The following CHODL variants were observed in gnomAD, a reference collection of about 807,000 sequenced individuals.
CHODL encodes transmembrane protein MT75.
Under a neutral mutation model 34.5 loss-of-function variants are expected in CHODL, and 29 were observed. That is an observed-to-expected ratio of 0.84 (90% CI 0.63 to 1.15). The LOEUF (loss-of-function observed/expected upper bound fraction) is 1.15. Ranked by LOEUF, CHODL falls within the 50% of genes most tolerant of loss-of-function variation. CHODL has a pLI of 0.00. For missense variants in CHODL, 332 were observed against 332.5 expected, an observed-to-expected ratio of 1.00 and a Z score of 0.01; for synonymous variants, 125 against 116.1, an observed-to-expected ratio of 1.08 and a Z score of -0.49.
intron 2 of CHODL, among the ~76,000 whole-genome samples, chr21:18,088,087 T>A (rs1299176517): frequency 1.3e-5 from 2 of 152,092 alleles, no homozygotes; most frequent in Non-Finnish European, 2.9e-5. Context: ...ACCCCCAGGA[T>A]CCAGTCACCT....
chr21:17,942,032 T>C (rs2063368656), intron 1 of CHODL, among the ~76,000 whole-genome samples: 3 of 152,146 alleles, frequency 2.0e-5, no homozygotes, highest in Admixed American at 2.0e-4. Flanking sequence ...GGATTAAGAC[T>C]TCAACATATA....
chr21:17,986,644 T>C (rs936942622), intron 1 of CHODL, among the ~76,000 whole-genome samples: 3 of 152,248 alleles, frequency 2.0e-5, no homozygotes, highest in African/African-American at 7.2e-5. Context: ...TGTGTCTTTA[T>C]CACAGAATGA....
intron 2 of CHODL, among the ~76,000 whole-genome samples, chr21:18,045,669 A>G (rs2064433486): frequency 6.6e-6 from 1 of 151,948 alleles, no homozygotes; most frequent in Non-Finnish European, 1.5e-5. Context: ...GTACACTCCA[A>G]AGTTCATGTT....
intron 1 of CHODL, among the ~76,000 whole-genome samples, chr21:17,982,464 A>G (rs2063721546): frequency 6.6e-6 from 1 of 152,158 alleles, no homozygotes; most frequent in African/African-American, 2.4e-5. Context: ...ACATAAGCAT[A>G]ATATTGAGAA....
chr21:18,040,240 A>C (rs1346695376), intron 2 of CHODL, among the ~76,000 whole-genome samples: 1 of 151,860 alleles, frequency 6.6e-6, no homozygotes, highest in Non-Finnish European at 1.5e-5. Context: ...ACATGTGGAC[A>C]ATTCTTTCTG....
intron 2 of CHODL, among the ~76,000 whole-genome samples, chr21:18,075,001 A>C (rs1486890481): frequency 6.6e-6 from 1 of 152,216 alleles, no homozygotes; most frequent in Non-Finnish European, 1.5e-5. Flanking sequence ...CCAGCTTCTC[A>C]AACTTAAATG....
At chr21:18,132,824 T>G (rs537727138) in intron 2 of CHODL, among the ~76,000 whole-genome samples, 5 of 152,124 alleles carry the variant, frequency 3.3e-5, no homozygotes, top group Non-Finnish European at 7.4e-5. Flanking sequence ...TGGCTGGCCC[T>G]CCTCCCACCT....
At chr21:17,944,234 T>C (rs1020771422) in intron 1 of CHODL, among the ~76,000 whole-genome samples, 3 of 152,096 alleles carry the variant, frequency 2.0e-5, no homozygotes, top group Non-Finnish European at 4.4e-5. Flanking sequence ...AAGCCTGCCC[T>C]ATAACCCTGC....
intron 2 of CHODL, among the ~76,000 whole-genome samples, chr21:18,122,033 G>A (rs1240384943): frequency 6.6e-6 from 1 of 152,066 alleles, no homozygotes; most frequent in Non-Finnish European, 1.5e-5. Flanking sequence ...TAAGCTAAGT[G>A]AATTATAGCC....
At chr21:18,013,103 A>G (rs941910106) in intron 1 of CHODL, among the ~76,000 whole-genome samples, 7 of 152,266 alleles carry the variant, frequency 4.6e-5, no homozygotes, top group African/African-American at 1.7e-4. Flanking sequence ...AAATTTTATT[A>G]TTTGTTTAAT....
At chr21:18,128,824 CATTT>C (rs1406897754) in intron 2 of CHODL, among the ~76,000 whole-genome samples, 11 of 151,942 alleles carry the variant, frequency 7.2e-5, no homozygotes, top group African/African-American at 2.4e-4. Context: ...ATTCATAAAA[CATTT>C]ATTTGTAAAA....
intron 2 of CHODL, among the ~76,000 whole-genome samples, chr21:18,049,856 A>AT (rs911091445): frequency 6.6e-6 from 1 of 152,040 alleles, no homozygotes; most frequent in South Asian, 2.1e-4. Flanking sequence ...CAACACATGA[A>AT]TTTTTTGGGA....
chr21:18,261,319 C>T (rs2074379611), intron 4 of CHODL, among the ~76,000 whole-genome samples: 2 of 151,152 alleles, frequency 1.3e-5, no homozygotes, highest in Non-Finnish European at 2.9e-5. Context: ...ATGTAACTAA[C>T]CTGCACAATG....
At chr21:17,996,004 T>C (rs1297022293) in intron 1 of CHODL, among the ~76,000 whole-genome samples, 1 of 152,236 alleles carries the variant, frequency 6.6e-6, no homozygotes, top group Non-Finnish European at 1.5e-5. Context: ...TGGGCTTCTG[T>C]TGAACTGAAT....
At chr21:18,122,105 C>T (rs1225140818) in intron 2 of CHODL, among the ~76,000 whole-genome samples, 1 of 152,098 alleles carries the variant, frequency 6.6e-6, no homozygotes, top group Admixed American at 6.6e-5. Flanking sequence ...AATCTCTATT[C>T]ATGAAGAATT....
intron 1 of CHODL, among the ~76,000 whole-genome samples, chr21:17,941,165 A>G (rs772776651): frequency 1.7e-4 from 26 of 152,038 alleles, no homozygotes; most frequent in Non-Finnish European, 3.7e-4. Context: ...TTGGTAAAAT[A>G]TGGCCATGCC....
chr21:17,933,905 G>A (rs1204642768), intron 1 of CHODL, among the ~76,000 whole-genome samples: 1 of 152,008 alleles, frequency 6.6e-6, no homozygotes, highest in African/African-American at 2.4e-5. Flanking sequence ...TGGGCATGGT[G>A]GCATGCACCT....
Position 18,259,252 on chromosome 21 carries a change from T to A in CHODL, c.548-948T>A, listed in dbSNP as rs532098652. 3.6e-4 allele frequency among the ~76,000 whole-genome samples: 55 copies of A among 152,304 alleles called. No individual in the cohort carries two copies. In the East Asian group the frequency reaches 6.0e-3, roughly 17 times the overall value. Reference sequence around the variant, plus strand: ...GGAAACAAATTTACAGGCTTTTTTTTAAATAATTCAATTTATTTTCATTGA... The same window carrying A: ...GGAAACAAATTTACAGGCTTTTTTTAAAATAATTCAATTTATTTTCATTGA... On this transcript the variant is annotated intron_variant, in intron 3 of 5. Transcript: ENST00000299295.
intron 1 of CHODL, among the ~76,000 whole-genome samples, chr21:17,971,505 T>A (rs1043249751): frequency 1.3e-5 from 2 of 152,208 alleles, no homozygotes; most frequent in South Asian, 4.1e-4. Flanking sequence ...CTTTTTTTCA[T>A]ATGTTTGTTG....
Sources: allele counts gnomAD v4.1 joint callset (sites outside exome capture counted in the v4.1 genomes callset), GRCh38; gene constraint gnomAD v4.1.1; transcripts MANE v1.5; gene names NCBI Gene and HGNC (gene_info 2026-07-23, HGNC 2026-07-21).